The following TTC29 variants were observed in gnomAD, a reference collection of about 807,000 sequenced individuals.
TTC29 encodes tetratricopeptide repeat domain 29.
TTC29 carries 49 observed loss-of-function variants against 58.1 expected under a neutral mutation model. That is an observed-to-expected ratio of 0.84 (90% CI 0.67 to 1.07). The LOEUF (loss-of-function observed/expected upper bound fraction) is 1.07. TTC29 is among the 50% of genes least tolerant of loss of function. The pLI, the probability that TTC29 is intolerant of heterozygous loss-of-function variation, is 0.00. For missense variants in TTC29, 582 were observed against 555.6 expected (o/e 1.05, Z -0.48); for synonymous variants, 209 against 196.8 (o/e 1.06, Z -0.52).
At chr4:146,713,572 G>T (rs1277712042) in intron 11 of TTC29, among the ~76,000 whole-genome samples, 1 of 152,066 alleles carries the variant, frequency 6.6e-6, no homozygotes, top group Non-Finnish European at 1.5e-5. Context: ...AACTTTTAAG[G>T]CAGGAGACAC....
intron 6 of TTC29, among the ~76,000 whole-genome samples, chr4:146,875,197 A>G (rs941783086): frequency 2.6e-5 from 4 of 152,156 alleles, no homozygotes; most frequent in Non-Finnish European, 5.9e-5. Flanking sequence ...AGAGGGTGTA[A>G]AAGGCCAGCA....
chr4:146,801,305 T>C (rs1750200488), intron 11 of TTC29, among the ~76,000 whole-genome samples: 1 of 152,206 alleles, frequency 6.6e-6, no homozygotes, highest in Non-Finnish European at 1.5e-5. Context: ...TTTGATAATA[T>C]CCTACAGATT....
intron 11 of TTC29, among the ~76,000 whole-genome samples, chr4:146,787,094 T>C (rs1231259655): frequency 1.3e-5 from 2 of 152,138 alleles, no homozygotes; most frequent in East Asian, 3.9e-4. Flanking sequence ...AATAACATTT[T>C]AGATATATAT....
At chr4:146,911,948 G>A (rs1733924940) in intron 4 of TTC29, among the ~76,000 whole-genome samples, 2 of 152,174 alleles carry the variant, frequency 1.3e-5, no homozygotes, top group Admixed American at 1.3e-4. Flanking sequence ...TGCAAAGATG[G>A]AGGAAGGAAT....
At chr4:146,882,987 T>C (rs948162165) in intron 6 of TTC29, among the ~76,000 whole-genome samples, 1 of 152,072 alleles carries the variant, frequency 6.6e-6, no homozygotes, top group Non-Finnish European at 1.5e-5. Context: ...TGTCTGTCTG[T>C]GTATAACCTT....
In TTC29 at chr4:146,775,186, T is replaced by C. The variant is rs78304008; in HGVS notation, c.1330+28271A>G. Among the ~76,000 whole-genome samples the C allele has an allele frequency of 3.5e-3, 540 of 152,292 alleles. 4 individuals carry two copies. The highest frequency in any genetic ancestry group is 0.012 in the African/African-American group (496 of 41,552). ...CTTAAAGACAACCTACCATTGTGTC[T>C]TGCTTCTTTATCCAACTTGCCACTC... is the stretch of plus-strand genomic sequence containing the variant. On this transcript the variant is annotated intron_variant, in intron 11 of 12. Coordinates refer to ENST00000325106, the MANE Select transcript of TTC29 (RefSeq NM_031956.4).
chr4:146,713,623 C>T (rs944270222), intron 11 of TTC29, among the ~76,000 whole-genome samples: 9 of 152,056 alleles, frequency 5.9e-5, no homozygotes, highest in Non-Finnish European at 8.8e-5. Flanking sequence ...CAAAAACTGA[C>T]GTGTTCTTTC....
chr4:146,850,479 A>G (rs1049928264), intron 8 of TTC29, among the ~76,000 whole-genome samples: 6 of 152,192 alleles, frequency 3.9e-5, no homozygotes, highest in Non-Finnish European at 7.3e-5. Context: ...AACCTGTCCT[A>G]TTGTGGATTG....
intron 11 of TTC29, among the ~76,000 whole-genome samples, chr4:146,717,175 C>T (rs1038763998): frequency 6.6e-6 from 1 of 152,118 alleles, no homozygotes; most frequent in African/African-American, 2.4e-5. Context: ...GGCTGTTGCT[C>T]AGTTGCAACA....
chr4:146,755,390 G>C lies in TTC29; in HGVS notation c.1331-47839C>G, dbSNP rs150034369. ...AAACAATCTTAAAATTTGTGTGGAA[G>C]CACAAAATATTCTGAATAGCCAAAA... On this transcript the variant is annotated intron_variant, in intron 11 of 12. Coordinates refer to ENST00000325106, the MANE Select transcript of TTC29 (RefSeq NM_031956.4). 7.3e-3 allele frequency among the ~76,000 whole-genome samples: 1,106 copies of C among 152,168 alleles called. 15 individuals are homozygous for C. The highest frequency in any genetic ancestry group is 0.025 in the African/African-American group (1,056 of 41,512).
chr4:146,924,205 G>A (rs1441809958), intron 4 of TTC29, among the ~76,000 whole-genome samples: 1 of 151,758 alleles, frequency 6.6e-6, no homozygotes, highest in Non-Finnish European at 1.5e-5. Context: ...ATTAATACAT[G>A]TGATAGGTTT....
chr4:146,857,076 G>GTT (rs3029329), intron 8 of TTC29, among the ~76,000 whole-genome samples: 64,793 of 151,626 alleles, frequency 0.43, 14,912 homozygotes, highest in African/African-American at 0.59. Flanking sequence ...TATGCCTTAA[G>GTT]ATTATATAAT....
chr4:146,736,557 G>T (rs1176311022), intron 11 of TTC29, among the ~76,000 whole-genome samples: 1 of 152,188 alleles, frequency 6.6e-6, no homozygotes, highest in African/African-American at 2.4e-5. Context: ...AAGCCAGAGT[G>T]CTGGCAGGGA....
At position 146,888,691 on chromosome 4, in the gene TTC29, C is replaced by T. The variant is rs147424567; in HGVS notation, c.587-13763G>A. 2.6e-4 allele frequency among the ~76,000 whole-genome samples: 39 copies of T among 152,252 alleles called. 1 individual carries two copies. The East Asian group carries it at 7.1e-3, about 28-fold the overall frequency. On this transcript the variant is annotated intron_variant, in intron 6 of 12. Coordinates refer to ENST00000325106, the MANE Select transcript of TTC29 (RefSeq NM_031956.4). Reference sequence around the variant, plus strand: ...GAGGTACAAAGAAGTTAATATTAGGCTCCTTCTCTGCTTTTCATAAAGTGA... The same window carrying T: ...GAGGTACAAAGAAGTTAATATTAGGTTCCTTCTCTGCTTTTCATAAAGTGA...
At chr4:146,780,396 T>G (rs997073324) in intron 11 of TTC29, among the ~76,000 whole-genome samples, 12 of 151,634 alleles carry the variant, frequency 7.9e-5, no homozygotes, top group Admixed American at 2.6e-4. Context: ...GTTCTTATTT[T>G]TTAAAATGCC....
intron 4 of TTC29, among the ~76,000 whole-genome samples, chr4:146,914,528 T>C (rs1734094142): frequency 6.6e-6 from 1 of 152,086 alleles, no homozygotes. Flanking sequence ...TATGGAGAGA[T>C]TTAATATTAG....
chr4:146,779,872 C>T (rs1748456850), intron 11 of TTC29, among the ~76,000 whole-genome samples: 1 of 152,152 alleles, frequency 6.6e-6, no homozygotes, highest in Non-Finnish European at 1.5e-5. Flanking sequence ...GCTATTTCCA[C>T]TGCTTTTAGA....
chr4:146,815,921 T>G (rs1325710289), intron 10 of TTC29, among the ~76,000 whole-genome samples: 3 of 152,136 alleles, frequency 2.0e-5, no homozygotes, highest in Admixed American at 2.0e-4. Flanking sequence ...CTAACCAATA[T>G]TTTCCTAATA....
chr4:146,909,061 T>C lies in TTC29; in HGVS notation c.365A>G (p.His122Arg), dbSNP rs953794285. The C allele has an allele frequency of 9.3e-6, 15 of 1,613,780 alleles. No individual in the cohort carries two copies. The East Asian group carries it at 2.7e-4, about 29-fold the overall frequency. Residue 122 changes from histidine (H) to arginine (R), a missense_variant, in exon 5 of 13, where the codon CAT becomes CGT. Transcript: ENST00000325106. ...AGCGTCCTCAGCCCTGGTCAGGTAA[T>C]GGTACAGGTAATCCAGTTTATCAGG... ...EQPDKLDYLY[H>R]YLTRAEDAER... is the part of the protein sequence containing the mutation.
Sources: gnomAD v4.1 joint callset for allele counts (sites outside exome capture counted in the v4.1 genomes callset) on GRCh38, gnomAD v4.1.1 for gene constraint, MANE v1.5 for transcripts, NCBI Gene and HGNC (gene_info 2026-07-23, HGNC 2026-07-21) for gene names.